Variants in CEP192 observed in about 807,000 individuals in gnomAD.
CEP192 encodes the protein centrosomal protein of 192 kDa.
Under a neutral mutation model 271.8 loss-of-function variants are expected in CEP192, and 151 were observed. The observed-to-expected ratio is 0.56, with a 90% confidence interval of 0.49 to 0.64. The LOEUF is 0.64. Among genes scored for constraint, CEP192 ranks in the 30% least tolerant of loss-of-function variants. The pLI is 0.00. For missense variants in CEP192, 2,910 were observed against 3,020.5 expected, an observed-to-expected ratio of 0.96 and a Z score of 0.86; for synonymous variants, 995 against 1,076.5, an observed-to-expected ratio of 0.92 and a Z score of 1.48.
chr18:13,124,351 G>A, intron 44 of CEP192: 1 of 272,844 alleles, frequency 3.7e-6, no homozygotes, highest in Non-Finnish European at 7.0e-6. Flanking sequence ...CTGTATGTAT[G>A]ATAGTTTAGA....
intron 9 of CEP192, among the ~76,000 whole-genome samples, chr18:13,028,331 A>G (rs759944892): frequency 2.0e-5 from 3 of 152,180 alleles, no homozygotes; most frequent in Admixed American, 6.5e-5. Context: ...TAATATCGCA[A>G]TTTATAGTTA....
At chr18:13,114,990 C>T (rs1018548968) in intron 42 of CEP192, among the ~76,000 whole-genome samples, 1 of 152,060 alleles carries the variant, frequency 6.6e-6, no homozygotes. Context: ...CCTTAATTAA[C>T]TAGTAATTAG....
chr18:13,086,032 C>T (rs114286222), intron 30 of CEP192, among the ~76,000 whole-genome samples: 5,487 of 152,064 alleles, frequency 0.036, 312 homozygotes, highest in African/African-American at 0.12. Context: ...AATGTTTTTC[C>T]ATTTCTTTGT....
chr18:13,107,904 A>G (rs1202782728), intron 40 of CEP192, among the ~76,000 whole-genome samples: 6 of 151,672 alleles, frequency 4.0e-5, no homozygotes, highest in Non-Finnish European at 7.4e-5. Context: ...AAAAAATACT[A>G]TAAGGCTACA....
chr18:13,068,355 A>G lies in CEP192; in HGVS notation c.4759-4A>G, dbSNP rs376271337. 52 of 1,611,212 alleles carry G rather than the reference A, an allele frequency of 3.2e-5. No individual in the cohort carries two copies. Among genetic ancestry groups the G allele is most frequent in the Non-Finnish European group, 3.9e-5 (46 of 1,178,508 alleles). ...TAAGACAAATTTTTCTTTTAATTTTATAGGATCCAGAATTTCTGATGATTT... is the reference window on the plus strand; with the variant it reads ...TAAGACAAATTTTTCTTTTAATTTTGTAGGATCCAGAATTTCTGATGATTT... On this transcript the variant is annotated splice_polypyrimidine_tract_variant and splice_region_variant and intron_variant, in intron 23 of 44. Transcript: ENST00000506447.
chr18:12,993,054 C>T (rs895395535), intron 1 of CEP192, among the ~76,000 whole-genome samples: 2 of 152,078 alleles, frequency 1.3e-5, no homozygotes, highest in Admixed American at 6.5e-5. Context: ...TTGGGAGACT[C>T]GTGTGATAGT....
chr18:13,013,441 C>A (rs966692523), intron 5 of CEP192, among the ~76,000 whole-genome samples: 1 of 152,162 alleles, frequency 6.6e-6, no homozygotes, highest in Non-Finnish European at 1.5e-5. Context: ...GAAGCTGTCT[C>A]ATTTGTTGGC....
chr18:13,089,974 C>CT (rs1419779036), intron 33 of CEP192, among the ~76,000 whole-genome samples: 1 of 152,164 alleles, frequency 6.6e-6, no homozygotes, highest in East Asian at 1.9e-4. Context: ...TTTGAGGTTA[C>CT]TGTGCTATCG....
intron 11 of CEP192, among the ~76,000 whole-genome samples, chr18:13,036,204 TAAAGAAC>T (rs2035908126): frequency 6.6e-6 from 1 of 151,996 alleles, no homozygotes; most frequent in South Asian, 2.1e-4. Flanking sequence ...CTTAACAAGG[TAAAGAAC>T]TAGCACTGTT....
intron 33 of CEP192, among the ~76,000 whole-genome samples, chr18:13,091,958 C>T (rs2144748878): frequency 6.6e-6 from 1 of 152,240 alleles, no homozygotes; most frequent in South Asian, 2.1e-4. Context: ...TGAAAATTAA[C>T]TAAATTAATA....
chr18:13,039,064 G>A (rs2036062428), intron 13 of CEP192, among the ~76,000 whole-genome samples: 1 of 152,226 alleles, frequency 6.6e-6, no homozygotes, highest in African/African-American at 2.4e-5. Context: ...ATAGTGATAA[G>A]TCCTGTAAAG....
intron 2 of CEP192, among the ~76,000 whole-genome samples, chr18:12,999,938 A>T (rs2033509698): frequency 2.0e-5 from 3 of 151,578 alleles, no homozygotes; most frequent in African/African-American, 7.3e-5. Flanking sequence ...AGGCAAATTA[A>T]TCATAAGGTT....
intron 9 of CEP192, among the ~76,000 whole-genome samples, chr18:13,023,195 TAA>T (rs1403725177): frequency 2.6e-5 from 4 of 152,176 alleles, no homozygotes; most frequent in African/African-American, 9.6e-5. Context: ...AGATAGGACT[TAA>T]AGACAGTTTT....
At chr18:13,046,367 G>C (rs2036481592) in intron 15 of CEP192, among the ~76,000 whole-genome samples, 1 of 152,196 alleles carries the variant, frequency 6.6e-6, no homozygotes, top group South Asian at 2.1e-4. Context: ...ATTTGGAGGG[G>C]CATCCAACTA....
At position 13,096,324 on chromosome 18, in the gene CEP192, TG is replaced by T. The variant is rs758555344; in HGVS notation, c.6557+18del. 18 of 1,608,388 alleles carry T rather than the reference TG, an allele frequency of 1.1e-5. No homozygotes were observed. ...CGCGCCAGAGTAAGTCTGACTTCTG[TG>T]TTGCTCTGCGTGTTACTTAGGTGCT... is the stretch of plus-strand genomic sequence containing the variant. On this transcript the variant is annotated intron_variant, in intron 36 of 44. Coordinates refer to ENST00000506447, the MANE Select transcript of CEP192 (RefSeq NM_032142.4).
intron 11 of CEP192, among the ~76,000 whole-genome samples, chr18:13,032,878 T>C (rs189664356): frequency 2.4e-4 from 37 of 152,328 alleles, no homozygotes; most frequent in Admixed American, 1.1e-3. Flanking sequence ...TGCAACAACA[T>C]GGATGAATCT....
Position 13,049,761 on chromosome 18 carries a change from A to G in CEP192, c.2891-4A>G, listed in dbSNP as rs764995373. The G allele has an allele frequency of 9.9e-6, 16 of 1,609,188 alleles. No homozygotes were observed. In the Admixed American group the frequency reaches 1.0e-4, roughly 10 times the overall value. On this transcript the variant is annotated splice_polypyrimidine_tract_variant and splice_region_variant and intron_variant, in intron 16 of 44. Coordinates refer to ENST00000506447, the MANE Select transcript of CEP192 (RefSeq NM_032142.4). ...TCTTACTGGAAAATACCCCTTTCTG[A>G]TAGATTTGAAAAATACCTCTCCTGA...
chr18:13,084,122 A>G (rs2038768902), intron 30 of CEP192, among the ~76,000 whole-genome samples: 1 of 152,144 alleles, frequency 6.6e-6, no homozygotes, highest in Non-Finnish European at 1.5e-5. Flanking sequence ...CAGAGCTCAA[A>G]CGTCATGCTG....
intron 15 of CEP192, among the ~76,000 whole-genome samples, chr18:13,043,045 C>T (rs1300988991): frequency 1.3e-5 from 2 of 152,196 alleles, no homozygotes; most frequent in African/African-American, 2.4e-5. Flanking sequence ...TGCTTCCTGT[C>T]ACCGCATGTC....
Sources: gnomAD v4.1 joint callset for allele counts (sites outside exome capture counted in the v4.1 genomes callset) on GRCh38, gnomAD v4.1.1 for gene constraint, MANE v1.5 for transcripts, NCBI Gene and HGNC (gene_info 2026-07-23, HGNC 2026-07-21) for gene names.